TPSG1: variants seen among roughly 807,000 people sequenced by gnomAD.
TPSG1 encodes tryptase gamma.
In TPSG1, 43 loss-of-function variants were observed where a neutral mutation model predicts 23.8. That is an observed-to-expected ratio of 1.81 (90% CI 1.42 to 2.33). TPSG1 has a LOEUF of 2.33. TPSG1 is among the 30% of genes most tolerant of loss of function. The pLI is 0.00. For synonymous variants in TPSG1, 302 were observed against 201.3 expected, an observed-to-expected ratio of 1.50 and a Z score of -4.23; for missense variants, 623 against 438.6, an observed-to-expected ratio of 1.42 and a Z score of -3.75.
chr16:1,225,181 CCCCACA>C lies in TPSG1; in HGVS notation c.46+20_46+25del, dbSNP rs747475770. 6.3e-5 allele frequency: 99 copies of C among 1,563,520 alleles called. 1 individual carries two copies. The highest frequency in any genetic ancestry group is 7.9e-5 in the Non-Finnish European group (91 of 1,154,312). On this transcript the variant is annotated intron_variant, in intron 1 of 5. Coordinates refer to ENST00000234798, the MANE Select transcript of TPSG1 (RefSeq NM_012467.4). ...AGGCAGGAAGCAGATGCCCCCCCATCCCCACACCCAGGCCAGGTCACCCACCGGGCA... is the reference window on the plus strand; with the variant it reads ...AGGCAGGAAGCAGATGCCCCCCCATCCCCAGGCCAGGTCACCCACCGGGCA...
In TPSG1 at chr16:1,221,941, T is replaced by C; in HGVS notation, c.813A>G (p.Ala271=). Reference sequence around the variant, plus strand: ...GGTACCCAGACTCTGAGCCCCCTGATGCTGTGATGTGGCGGCGGATCCAGT... The same window carrying C: ...GGTACCCAGACTCTGAGCCCCCTGACGCTGTGATGTGGCGGCGGATCCAGT... The part of the protein sequence containing the change: ...YVNWIRRHIT[A]SGGSESGYPR... Residue 271 remains alanine (A), a synonymous_variant, in exon 6 of 6, where the codon GCA becomes GCG. Transcript: ENST00000234798. 2.5e-6 allele frequency: 4 copies of C among 1,611,990 alleles called. No individual in the cohort carries two copies. Among genetic ancestry groups the C allele is most frequent in the Non-Finnish European group, 3.4e-6 (4 of 1,179,370 alleles).
chr16:1,222,583 C>T (rs1970548402), intron 4 of TPSG1, 69 bp downstream of exon 4: 3 of 1,509,870 alleles, frequency 2.0e-6, no homozygotes, highest in Admixed American at 2.2e-5. Flanking sequence ...CATCAGCATC[C>T]CTCAAGCCAG....
Position 1,223,580 on chromosome 16 carries a change from G to A in TPSG1, c.88C>T (p.Gln30Ter). The change falls in exon 3 of 6, where the codon CAG becomes TAG. Residue 30 changes from glutamine to a stop codon, truncating the protein, a stop_gained. Transcript: ENST00000234798. LOFTEE classifies it high-confidence loss of function. ...ATCCGGCCGCCTGCATCCGAAACCT[G>A]CGGCCGGCCACACCCTAAGTCGAAG... ...RTLQPGCGRP[Q>*]VSDAGGRIVG... The A allele has an allele frequency of 6.5e-7, 1 of 1,542,132 alleles. No homozygotes were observed. The highest frequency in any genetic ancestry group is 2.5e-5 in the East Asian group (1 of 40,720).
intron 1 of TPSG1, 39 bp from the exon 2 acceptor site, chr16:1,224,667 C>G (rs1034415471): frequency 6.2e-7 from 1 of 1,613,192 alleles, no homozygotes; most frequent in South Asian, 1.1e-5. Flanking sequence ...GAGGGGGCTG[C>G]CAAGGAGAGG....
At position 1,222,733 on chromosome 16, in the gene TPSG1, C is replaced by G; in HGVS notation, c.430G>C (p.Val144Leu). 6.2e-7 allele frequency: 1 copy of G among 1,611,136 alleles called. No homozygotes were observed. Among genetic ancestry groups the G allele is most frequent in the Non-Finnish European group, 8.5e-7 (1 of 1,178,618 alleles). The change falls in exon 4 of 6, where the codon GTC (valine) becomes CTC (leucine). Residue 144 changes from valine to leucine, a missense_variant. By Grantham distance (32) the Val-to-Leu change is conservative. Transcript: ENST00000234798. ...PVTLSSRILP[V>L]CLPEASDDFC... The stretch of plus-strand genomic sequence containing the variant: ...TCATCTGAGGCCTCCGGGAGGCAGA[C>G]GGGCAGGATCCGGCTGGAGAGGGTC...
chr16:1,224,291 A>C, intron 2 of TPSG1: 1 of 342,618 alleles, frequency 2.9e-6, no homozygotes, highest in Non-Finnish European at 5.4e-6. Flanking sequence ...CCCACACGGC[A>C]AAGCCCCCAG....
Position 1,222,699 on chromosome 16 carries a change from G to A in TPSG1, c.464C>T (p.Pro155Leu). The change falls in exon 4 of 6, where the codon CCT becomes CTT. Residue 155 changes from proline (P) to leucine (L), a missense_variant. Pro to Leu is a moderately conservative substitution (Grantham distance 98). Transcript: ENST00000234798. ...GCCGGTCACCCAGCACCGGATCCCA[G>A]GGCAGAAGTCATCTGAGGCCTCCGG... ...CLPEASDDFC[P>L]GIRCWVTGWG... The A allele has an allele frequency of 6.2e-7, 1 of 1,601,708 alleles. No individual in the cohort carries two copies. Among genetic ancestry groups the A allele is most frequent in the Non-Finnish European group, 8.5e-7 (1 of 1,171,022 alleles).
intron 2 of TPSG1, 36 bp from the exon 3 acceptor site, chr16:1,223,630 C>G (rs1374370525): frequency 2.0e-6 from 3 of 1,524,328 alleles, no homozygotes; most frequent in African/African-American, 1.4e-5. Flanking sequence ...TGGTGGGGAT[C>G]CCAAGAAACC....
chr16:1,224,463 T>A, intron 2 of TPSG1, 139 bp downstream of exon 2: 1 of 1,076,954 alleles, frequency 9.3e-7, no homozygotes, highest in Non-Finnish European at 1.4e-6. Flanking sequence ...AACCGAGAGA[T>A]GCGAGCAGAA....
Position 1,222,114 on chromosome 16 carries a change from G to A in TPSG1, c.658-18C>T, listed in dbSNP as rs779609666. ...GAGTCGTCCTGAGGACAGAGAAGGCGAGCATTGGGAGCCGAGAAGATGGGG... is the reference window on the plus strand; with the variant it reads ...GAGTCGTCCTGAGGACAGAGAAGGCAAGCATTGGGAGCCGAGAAGATGGGG... On this transcript the variant is annotated intron_variant, in intron 5 of 5. Transcript: ENST00000234798. 2.8e-5 allele frequency: 45 copies of A among 1,612,398 alleles called. No individual in the cohort carries two copies. Among genetic ancestry groups the A allele is most frequent in the South Asian group, 3.3e-5 (3 of 91,080 alleles).
rs538774968 is a variant in TPSG1, at chr16:1,225,014, C to T, written c.46+193G>A. On this transcript the variant is annotated intron_variant, in intron 1 of 5. Coordinates refer to ENST00000234798, the MANE Select transcript of TPSG1 (RefSeq NM_012467.4). ...CCCCAACTCCCACCCGCACATCCCT[C>T]CTGCCTCTCCCCAGCACGGACAGCT... is the stretch of plus-strand genomic sequence containing the variant. 6.6e-5 allele frequency among the ~76,000 whole-genome samples: 10 copies of T among 152,280 alleles called. No homozygotes were observed. The South Asian group carries it at 2.1e-3, about 32-fold the overall frequency.
At chr16:1,223,950 C>G in intron 2 of TPSG1, 1 of 306,272 alleles carries the variant, frequency 3.3e-6, no homozygotes, top group Non-Finnish European at 5.9e-6. Context: ...CCTAGTGGGC[C>G]CCGGTTTTCC....
Position 1,225,200 on chromosome 16 carries a change from C to T in TPSG1, c.46+7G>A. 1.9e-6 allele frequency: 3 copies of T among 1,573,728 alleles called. No individual in the cohort carries two copies. The highest frequency in any genetic ancestry group is 1.2e-5 in the South Asian group (1 of 85,552). On this transcript the variant is annotated splice_region_variant and intron_variant, in intron 1 of 5. Transcript: ENST00000234798. ...CCCCATCCCCACACCCAGGCCAGGT[C>T]ACCCACCGGGCACAGCCAGGAGCAG...
chr16:1,224,963 A>C (rs577251283), intron 1 of TPSG1, among the ~76,000 whole-genome samples: 106 of 145,154 alleles, frequency 7.3e-4, no homozygotes, highest in South Asian at 6.0e-3. Flanking sequence ...ACCCCCAACT[A>C]CCACCCGCCC....
intron 1 of TPSG1, 43 bp downstream of exon 1, chr16:1,225,164 A>G (rs2030080428): frequency 1.3e-6 from 2 of 1,551,134 alleles, no homozygotes; most frequent in African/African-American, 1.4e-5. Context: ...CCAGGCAGGA[A>G]GCAGATGCCC....
intron 4 of TPSG1, 120 bp from the exon 5 acceptor site, chr16:1,222,461 T>A: frequency 1.6e-6 from 2 of 1,236,392 alleles, no homozygotes; most frequent in South Asian, 2.9e-5. Context: ...GGCACGTGGG[T>A]TGTGATCTGA....
Position 1,221,835 on chromosome 16 carries a change from G to T in TPSG1, c.919C>A (p.Leu307Met). 6.2e-7 allele frequency: 1 copy of T among 1,611,874 alleles called. No individual in the cohort carries two copies. Among genetic ancestry groups the T allele is most frequent in the Non-Finnish European group, 8.5e-7 (1 of 1,179,500 alleles). ...LVSCVLLAKC[L>M]LHPSADGTPF... is the part of the protein sequence containing the mutation. The stretch of plus-strand genomic sequence containing the variant: ...GTACCATCCGCAGATGGGTGCAGCA[G>T]GCACTTGGCCAGCAGGACACAGGAG... Residue 307 changes from leucine (L) to methionine (M), a missense_variant, in exon 6 of 6, where the codon CTG becomes ATG. By Grantham distance (15) the Leu-to-Met change is conservative (BLOSUM62 2). Transcript: ENST00000234798.
chr16:1,223,395 G>T (rs1206434283), intron 3 of TPSG1, 28 bp downstream of exon 3: 2 of 1,554,880 alleles, frequency 1.3e-6, no homozygotes, highest in African/African-American at 2.7e-5. Flanking sequence ...TGGACATTGA[G>T]ACTGCCCCTG....
In TPSG1 at chr16:1,222,851, G is replaced by A; in HGVS notation, c.312C>T (p.Phe104=). The change falls in exon 4 of 6, where the codon TTC becomes TTT. Residue 104 remains phenylalanine, a synonymous_variant. Transcript: ENST00000234798. ...GCAGGATGATCTGCCTCACGGTGGAGAAGTGGGGAGACAGAGTGATCTCCA... is the reference window on the plus strand; with the variant it reads ...GCAGGATGATCTGCCTCACGGTGGAAAAGTGGGGAGACAGAGTGATCTCCA... ...GELEITLSPH[F]STVRQIILHS... is the part of the protein sequence containing the mutation. The A allele has an allele frequency of 6.2e-7, 1 of 1,611,084 alleles. No homozygotes were observed. Among genetic ancestry groups the A allele is most frequent in the Non-Finnish European group, 8.5e-7 (1 of 1,179,368 alleles).
Sources: allele counts gnomAD v4.1 joint callset (sites outside exome capture counted in the v4.1 genomes callset), GRCh38; gene constraint gnomAD v4.1.1; transcripts MANE v1.5; gene names NCBI Gene and HGNC (gene_info 2026-07-23, HGNC 2026-07-21).